NDUFS4: variants seen among roughly 807,000 people sequenced by gnomAD.
The protein encoded by NDUFS4 is NADH:ubiquinone oxidoreductase subunit S4.
NDUFS4 carries 28 observed loss-of-function variants against 24.3 expected under a neutral mutation model. The observed-to-expected ratio is 1.15, with a 90% CI of 0.85 to 1.58. The LOEUF (loss-of-function observed/expected upper bound fraction) is 1.58. NDUFS4 is among the 40% of genes most tolerant of loss of function. The probability of loss-of-function intolerance (pLI) is 0.00; values close to 1 mark genes in which losing one functional copy is unlikely to be tolerated. For missense variants in NDUFS4, 223 were observed against 207.9 expected (o/e 1.07, Z -0.45); for synonymous variants, 93 against 69.7 (o/e 1.34, Z -1.67).
chr5:53,679,428 C>A (rs1459599670), intron 4 of NDUFS4, among the ~76,000 whole-genome samples: 1 of 152,118 alleles, frequency 6.6e-6, no homozygotes, highest in East Asian at 1.9e-4. Flanking sequence ...TTATCACCAT[C>A]AACAGCAACT....
chr5:53,620,935 T>C (rs554146526), intron 2 of NDUFS4, among the ~76,000 whole-genome samples: 12 of 152,324 alleles, frequency 7.9e-5, no homozygotes, highest in East Asian at 5.8e-4. Context: ...GGTTGGGTGT[T>C]CCAAAAATTT....
chr5:53,567,229 T>C (rs911168281), intron 1 of NDUFS4, among the ~76,000 whole-genome samples: 5 of 152,228 alleles, frequency 3.3e-5, no homozygotes, highest in African/African-American at 4.8e-5. Flanking sequence ...TAGTCTGATA[T>C]AGCAGTCTAA....
At position 53,683,283 on chromosome 5, in the gene NDUFS4, C is replaced by A. The variant is rs1450454704; in HGVS notation, c.*62C>A. 2 of 1,154,972 alleles carry A rather than the reference C, an allele frequency of 1.7e-6. No homozygotes were observed. The highest frequency in any genetic ancestry group is 2.6e-6 in the Non-Finnish European group (2 of 763,216). The allele number at this position is 1,154,972 out of a possible 1,614,324, so 71.5% of individuals were successfully genotyped here. On this transcript the variant is annotated 3_prime_UTR_variant, in exon 5 of 5. Transcript: ENST00000296684. Reference sequence around the variant, plus strand: ...AAGTCAGCTGTGCAGTATTTATAGTCCATGTATAATAAATACATCTCTTAA... The same window carrying A: ...AAGTCAGCTGTGCAGTATTTATAGTACATGTATAATAAATACATCTCTTAA...
chr5:53,668,747 C>G (rs1385005891), intron 4 of NDUFS4, among the ~76,000 whole-genome samples: 1 of 151,938 alleles, frequency 6.6e-6, no homozygotes, highest in Non-Finnish European at 1.5e-5. Flanking sequence ...AGGTGTAAGC[C>G]ACTGCACCCA....
intron 2 of NDUFS4, among the ~76,000 whole-genome samples, chr5:53,614,670 T>C (rs138685726): frequency 1.6e-3 from 248 of 152,136 alleles, no homozygotes; most frequent in African/African-American, 5.4e-3. Flanking sequence ...ACCTGTAGTA[T>C]GCTAGTGCTG....
At chr5:53,645,273 A>T (rs1037394985) in intron 2 of NDUFS4, among the ~76,000 whole-genome samples, 1 of 152,140 alleles carries the variant, frequency 6.6e-6, no homozygotes, top group Non-Finnish European at 1.5e-5. Flanking sequence ...TACTAAATGG[A>T]GATTTAACCC....
intron 1 of NDUFS4, among the ~76,000 whole-genome samples, chr5:53,594,327 TTGTC>T (rs1343238725): frequency 6.6e-6 from 1 of 152,118 alleles, no homozygotes; most frequent in African/African-American, 2.4e-5. Context: ...GGAGTCCCGT[TTGTC>T]TGAGATTAAT....
At chr5:53,565,969 C>T (rs1481003868) in intron 1 of NDUFS4, among the ~76,000 whole-genome samples, 6 of 151,018 alleles carry the variant, frequency 4.0e-5, no homozygotes, top group South Asian at 4.2e-4. Context: ...GTCAGGAGTT[C>T]GAGACCAGCC....
chr5:53,661,127 G>A (rs2112525396), intron 4 of NDUFS4, among the ~76,000 whole-genome samples: 1 of 152,238 alleles, frequency 6.6e-6, no homozygotes, highest in Non-Finnish European at 1.5e-5. Flanking sequence ...GGTTTTTATG[G>A]TTTTAGGTCT....
intron 2 of NDUFS4, among the ~76,000 whole-genome samples, chr5:53,616,230 A>T (rs372375871): frequency 6.4e-5 from 9 of 139,750 alleles, no homozygotes; most frequent in Non-Finnish European, 1.3e-4. Context: ...TTTTTTTTTT[A>T]GCATATTCTA....
intron 1 of NDUFS4, among the ~76,000 whole-genome samples, chr5:53,563,689 A>G (rs1016136366): frequency 6.6e-6 from 1 of 151,920 alleles, no homozygotes; most frequent in Non-Finnish European, 1.5e-5. Context: ...TTTAGTAGAG[A>G]TGGAGTTTCA....
At chr5:53,637,295 A>G (rs940442640) in intron 2 of NDUFS4, among the ~76,000 whole-genome samples, 4 of 152,178 alleles carry the variant, frequency 2.6e-5, no homozygotes, top group Admixed American at 6.5e-5. Flanking sequence ...CCATGTATTC[A>G]AGTTACCAGG....
chr5:53,658,948 A>G (rs1037438979), intron 4 of NDUFS4, among the ~76,000 whole-genome samples: 1 of 152,166 alleles, frequency 6.6e-6, no homozygotes, highest in Non-Finnish European at 1.5e-5. Context: ...TCAATTGAAC[A>G]TATATGGCAG....
intron 2 of NDUFS4, among the ~76,000 whole-genome samples, chr5:53,634,050 G>A (rs1471029880): frequency 6.6e-6 from 1 of 152,166 alleles, no homozygotes; most frequent in Non-Finnish European, 1.5e-5. Context: ...AATGTTTAAG[G>A]TTTGTGTATA....
chr5:53,656,937 A>G (rs1752178759), intron 3 of NDUFS4, among the ~76,000 whole-genome samples: 1 of 152,194 alleles, frequency 6.6e-6, no homozygotes, highest in Admixed American at 6.5e-5. Context: ...TGAGAAGGGT[A>G]GAAACTGAAT....
intron 4 of NDUFS4, among the ~76,000 whole-genome samples, chr5:53,671,921 T>C (rs1434319698): frequency 6.6e-6 from 1 of 152,170 alleles, no homozygotes; most frequent in Non-Finnish European, 1.5e-5. Context: ...TAAAAACTCT[T>C]TGAAATTCTC....
intron 1 of NDUFS4, among the ~76,000 whole-genome samples, chr5:53,599,125 T>TA (rs1384170352): frequency 2.0e-5 from 3 of 152,192 alleles, no homozygotes; most frequent in Non-Finnish European, 4.4e-5. Flanking sequence ...CATGAACACT[T>TA]ACTACTGAGA....
At chr5:53,606,753 C>G (rs1750524823) in intron 2 of NDUFS4, among the ~76,000 whole-genome samples, 2 of 152,230 alleles carry the variant, frequency 1.3e-5, no homozygotes, top group Admixed American at 6.5e-5. Flanking sequence ...CCTCCATAAC[C>G]TAATCACCTC....
At chr5:53,611,060 C>T (rs1025627145) in intron 2 of NDUFS4, among the ~76,000 whole-genome samples, 4 of 152,012 alleles carry the variant, frequency 2.6e-5, no homozygotes, top group African/African-American at 7.2e-5. Context: ...CAGAGTCACT[C>T]ATAGGACATC....
Sources: gnomAD v4.1 joint callset for allele counts (sites outside exome capture counted in the v4.1 genomes callset) on GRCh38, gnomAD v4.1.1 for gene constraint, MANE v1.5 for transcripts, NCBI Gene and HGNC (gene_info 2026-07-23, HGNC 2026-07-21) for gene names.